SNTG1: variants seen among roughly 807,000 people sequenced by gnomAD.
The protein encoded by SNTG1 is gamma-1-syntrophin.
A neutral mutation model predicts 74.7 loss-of-function variants in SNTG1; 39 were observed. That is an observed-to-expected ratio of 0.52 (90% CI 0.40 to 0.68). The LOEUF (loss-of-function observed/expected upper bound fraction) is 0.68. SNTG1 is among the 30% of genes least tolerant of loss of function. The probability of loss-of-function intolerance (pLI) is 0.00; values close to 1 mark genes in which losing one functional copy is unlikely to be tolerated. For synonymous variants in SNTG1, 254 were observed against 217.1 expected, an observed-to-expected ratio of 1.17 and a Z score of -1.49; for missense variants, 685 against 609.5, an observed-to-expected ratio of 1.12 and a Z score of -1.30.
chr8:50,720,568 C>A (rs746637992), intron 17 of SNTG1, among the ~76,000 whole-genome samples: 2 of 152,116 alleles, frequency 1.3e-5, no homozygotes, highest in Non-Finnish European at 2.9e-5. Flanking sequence ...AAAGTCTAAG[C>A]ATTATGAGGG....
intron 5 of SNTG1, among the ~76,000 whole-genome samples, chr8:50,449,069 T>A (rs1255531366): frequency 1.3e-5 from 2 of 151,998 alleles, no homozygotes; most frequent in Non-Finnish European, 2.9e-5. Flanking sequence ...AAATAAATAA[T>A]AAAAATAGTA....
chr8:50,775,096 T>C (rs1017304349), intron 18 of SNTG1, among the ~76,000 whole-genome samples: 1 of 151,434 alleles, frequency 6.6e-6, no homozygotes, highest in Non-Finnish European at 1.5e-5. Context: ...AAACTTATGA[T>C]ATAAAGTGAA....
At chr8:49,924,065 C>G (rs976071597) in intron 1 of SNTG1, among the ~76,000 whole-genome samples, 14 of 152,032 alleles carry the variant, frequency 9.2e-5, no homozygotes, top group Non-Finnish European at 1.5e-5. Context: ...AATTTTAAGG[C>G]AGGTTAATTT....
intron 2 of SNTG1, among the ~76,000 whole-genome samples, chr8:50,289,913 T>C (rs1024450372): frequency 2.6e-5 from 4 of 152,152 alleles, no homozygotes; most frequent in African/African-American, 9.6e-5. Context: ...AATGTACACA[T>C]AGTAGGCTTT....
At chr8:50,601,064 G>T (rs1216185746) in intron 13 of SNTG1, among the ~76,000 whole-genome samples, 2 of 139,158 alleles carry the variant, frequency 1.4e-5, no homozygotes, top group Non-Finnish European at 3.1e-5. Context: ...CCAGCTGCTT[G>T]GGAGAATCGC....
In SNTG1 at chr8:49,984,378, T is replaced by C. The variant is rs538115949; in HGVS notation, c.-103+72147T>C. Among the ~76,000 whole-genome samples, 12 of 152,212 alleles carry C rather than the reference T, an allele frequency of 7.9e-5. No homozygotes were observed. The East Asian group carries it at 2.3e-3, about 29-fold the overall frequency. On this transcript the variant is annotated intron_variant, in intron 1 of 18. Transcript: ENST00000642720. The stretch of plus-strand genomic sequence containing the variant: ...GTGTTACCACTCCCGGATAATTTTG[T>C]ATTTTTAGTAGAGACGGGGTTTCAC...
chr8:49,920,892 C>G (rs572843827), intron 1 of SNTG1, among the ~76,000 whole-genome samples: 1 of 151,996 alleles, frequency 6.6e-6, no homozygotes, highest in Non-Finnish European at 1.5e-5. Context: ...TCAAATAAAA[C>G]AAGAATCAGG....
intron 18 of SNTG1, among the ~76,000 whole-genome samples, chr8:50,755,860 G>A (rs183771266): frequency 6.6e-6 from 1 of 151,768 alleles, no homozygotes; most frequent in Non-Finnish European, 1.5e-5. Context: ...GATATACAAC[G>A]TGGTGCATAT....
intron 2 of SNTG1, among the ~76,000 whole-genome samples, chr8:50,356,555 G>C (rs1389331328): frequency 6.6e-6 from 1 of 152,170 alleles, no homozygotes; most frequent in Non-Finnish European, 1.5e-5. Context: ...GGAAGCCCAA[G>C]ATCAAGATGC....
chr8:50,419,697 G>A (rs552274949), intron 4 of SNTG1, among the ~76,000 whole-genome samples: 3 of 152,142 alleles, frequency 2.0e-5, no homozygotes, highest in South Asian at 2.1e-4. Flanking sequence ...TGAATGAGAA[G>A]CAATAATTAA....
At position 50,332,118 on chromosome 8, in the gene SNTG1, G is replaced by A. The variant is rs1037198298; in HGVS notation, c.-27-62094G>A. On this transcript the variant is annotated intron_variant, in intron 2 of 18. Coordinates refer to ENST00000642720, the MANE Select transcript of SNTG1 (RefSeq NM_018967.5). ...TGCATGTTCTTGACTATTGAGCTGT[G>A]GAGCTAGACAACCCCAAAATTTTTA... Among the ~76,000 whole-genome samples, 3 of 152,102 alleles carry A rather than the reference G, an allele frequency of 2.0e-5. No homozygotes were observed. In the East Asian group the frequency reaches 5.8e-4, roughly 29 times the overall value.
intron 1 of SNTG1, among the ~76,000 whole-genome samples, chr8:50,020,266 C>T (rs961840332): frequency 6.6e-6 from 1 of 152,048 alleles, no homozygotes; most frequent in Non-Finnish European, 1.5e-5. Context: ...TAACGCTTCC[C>T]TCAGTACAGA....
intron 2 of SNTG1, among the ~76,000 whole-genome samples, chr8:50,371,498 T>A (rs1477243711): frequency 6.6e-6 from 1 of 152,210 alleles, no homozygotes; most frequent in Non-Finnish European, 1.5e-5. Flanking sequence ...GGTGTGCAGA[T>A]GATTCTGATG....
chr8:50,638,663 T>C (rs1287357349), intron 13 of SNTG1, among the ~76,000 whole-genome samples: 3 of 152,080 alleles, frequency 2.0e-5, no homozygotes, highest in African/African-American at 7.2e-5. Flanking sequence ...CTTGAGAGTC[T>C]TCTTGAGATT....
At chr8:50,285,131 A>G (rs1262845175) in intron 2 of SNTG1, among the ~76,000 whole-genome samples, 1 of 152,046 alleles carries the variant, frequency 6.6e-6, no homozygotes, top group African/African-American at 2.4e-5. Context: ...TGGTCTATGC[A>G]ATCTTACTTA....
chr8:50,161,149 T>C (rs2082403408), intron 1 of SNTG1, among the ~76,000 whole-genome samples: 1 of 152,216 alleles, frequency 6.6e-6, no homozygotes, highest in Admixed American at 6.5e-5. Context: ...AAGAACTTAT[T>C]GTTGAAGAAT....
chr8:50,353,943 C>T (rs982699265), intron 2 of SNTG1, among the ~76,000 whole-genome samples: 2 of 152,194 alleles, frequency 1.3e-5, no homozygotes, highest in African/African-American at 4.8e-5. Flanking sequence ...CATGGTGTTT[C>T]AAAAGGACTA....
intron 2 of SNTG1, among the ~76,000 whole-genome samples, chr8:50,307,379 T>A (rs1417401359): frequency 6.6e-6 from 1 of 152,100 alleles, no homozygotes; most frequent in African/African-American, 2.4e-5. Context: ...ATTATTATTA[T>A]TATTTAGCTG....
intron 4 of SNTG1, among the ~76,000 whole-genome samples, chr8:50,410,239 T>C (rs1168869432): frequency 6.6e-6 from 1 of 152,174 alleles, no homozygotes; most frequent in Non-Finnish European, 1.5e-5. Flanking sequence ...TCTTAATAGG[T>C]CATCTGGGAG....
Sources: gnomAD v4.1 joint callset for allele counts (sites outside exome capture counted in the v4.1 genomes callset) on GRCh38, gnomAD v4.1.1 for gene constraint, MANE v1.5 for transcripts, NCBI Gene and HGNC (gene_info 2026-07-23, HGNC 2026-07-21) for gene names.